PTBP3: variants seen among roughly 807,000 people sequenced by gnomAD.
PTBP3 encodes polypyrimidine tract-binding protein 3.
Under a neutral mutation model 58.7 loss-of-function variants are expected in PTBP3, and 20 were observed. That is an observed-to-expected ratio of 0.34 (90% CI 0.24 to 0.50). PTBP3 has a LOEUF of 0.50. Among genes scored for constraint, PTBP3 ranks in the 20% least tolerant of loss-of-function variants. The probability of loss-of-function intolerance (pLI) is 0.98; values close to 1 mark genes in which losing one functional copy is unlikely to be tolerated. For missense variants in PTBP3, 509 were observed against 637.2 expected (o/e 0.80, Z 2.17); for synonymous variants, 185 against 219.8 (o/e 0.84, Z 1.40).
chr9:112,377,026 G>C, the PTBP3 span, among the ~76,000 whole-genome samples: 55 of 152,304 alleles, frequency 3.6e-4, no homozygotes, highest in Admixed American at 1.4e-3. Context: ...CCTGGGGTAG[G>C]TAGGTATGCA....
intron 3 of PTBP3, among the ~76,000 whole-genome samples, chr9:112,270,144 G>A (rs911884323): frequency 2.6e-5 from 4 of 151,772 alleles, no homozygotes; most frequent in African/African-American, 7.3e-5. Flanking sequence ...ACAGGGAGTC[G>A]CCATGAAGGC....
chr9:112,275,642 T>C (rs899019523), intron 3 of PTBP3, among the ~76,000 whole-genome samples: 2 of 152,118 alleles, frequency 1.3e-5, no homozygotes, highest in Non-Finnish European at 2.9e-5. Context: ...CATAAGTCAA[T>C]GGATAAGAGA....
intron 8 of PTBP3, among the ~76,000 whole-genome samples, chr9:112,232,724 A>T (rs1835293340): frequency 1.3e-5 from 2 of 152,222 alleles, no homozygotes. Flanking sequence ...GACTGTATAA[A>T]ATGCTATATT....
chr9:112,326,397 A>ATC (rs1186218253), intron 1 of PTBP3, among the ~76,000 whole-genome samples: 2 of 152,246 alleles, frequency 1.3e-5, no homozygotes, highest in African/African-American at 4.8e-5. Flanking sequence ...GCTACGGACA[A>ATC]TATGAATGAG....
chr9:112,345,341 T>TAAA, the PTBP3 span, among the ~76,000 whole-genome samples: 36 of 63,688 alleles, frequency 5.7e-4, 1 homozygote, highest in Non-Finnish European at 6.9e-4. Flanking sequence ...CCCTCATCTC[T>TAAA]AAAAAAAAAA....
chr9:112,316,143 T>C (rs1157286458), intron 1 of PTBP3, among the ~76,000 whole-genome samples: 2 of 152,190 alleles, frequency 1.3e-5, no homozygotes, highest in African/African-American at 4.8e-5. Flanking sequence ...CCAGTTTCTC[T>C]TGTGGCATGG....
chr9:112,356,997 A>G, the PTBP3 span, among the ~76,000 whole-genome samples: 46 of 145,102 alleles, frequency 3.2e-4, no homozygotes, highest in Non-Finnish European at 6.3e-4. Context: ...CTCCTGCCTC[A>G]GTCTCCCGAG....
At chr9:112,344,877 T>C in the PTBP3 span, among the ~76,000 whole-genome samples, 1 of 152,144 alleles carries the variant, frequency 6.6e-6, no homozygotes, top group Non-Finnish European at 1.5e-5. Context: ...CTCACACCTG[T>C]AATTCCACAC....
the PTBP3 span, among the ~76,000 whole-genome samples, chr9:112,357,462 T>C: frequency 1.3e-5 from 2 of 152,044 alleles, no homozygotes; most frequent in Non-Finnish European, 2.9e-5. Context: ...GTTGATCCTC[T>C]TACCTCAGCC....
intron 7 of PTBP3, among the ~76,000 whole-genome samples, chr9:112,238,064 A>C (rs951313881): frequency 1.3e-5 from 2 of 152,176 alleles, no homozygotes; most frequent in African/African-American, 4.8e-5. Context: ...AAGGACAATC[A>C]TAATTAATTC....
chr9:112,376,495 G>A, the PTBP3 span, among the ~76,000 whole-genome samples: 4 of 151,680 alleles, frequency 2.6e-5, no homozygotes, highest in Admixed American at 6.6e-5. Flanking sequence ...CTTGTGATCC[G>A]CCTGCCTCGG....
chr9:112,374,435 T>C, the PTBP3 span, among the ~76,000 whole-genome samples: 32 of 152,344 alleles, frequency 2.1e-4, 1 homozygote, highest in South Asian at 6.4e-3. Context: ...CCTTGATTCC[T>C]GGACCCATGA....
Position 112,223,490 on chromosome 9 carries a change from A to G in PTBP3, c.*361T>C. 1.1e-6 allele frequency: 1 copy of G among 916,358 alleles called. No homozygotes were observed. The highest frequency in any genetic ancestry group is 1.3e-6 in the Non-Finnish European group (1 of 763,070). 56.8% of individuals were successfully genotyped at this position (916,358 alleles called of 1,614,324 possible). On this transcript the variant is annotated 3_prime_UTR_variant, in exon 14 of 14. Transcript: ENST00000374257. ...TGTGTTTAAATTTTTTAAAAGTACA[A>G]ATGAGTTTAGAAATGTTGTATAAGG... is the stretch of plus-strand genomic sequence containing the variant.
intron 1 of PTBP3, 72 bp downstream of exon 1, chr9:112,333,398 C>A: frequency 6.5e-7 from 1 of 1,529,448 alleles, no homozygotes. Flanking sequence ...AGCCCTTACG[C>A]GTCCCGCGGA....
the PTBP3 span, among the ~76,000 whole-genome samples, chr9:112,344,989 C>T: frequency 0.29 from 44,642 of 151,428 alleles, 7,227 homozygotes; most frequent in South Asian, 0.4. Context: ...CAAAATTAGC[C>T]GGGTGTGGTG....
chr9:112,312,504 A>ATTTTT (rs1564455716), intron 1 of PTBP3, among the ~76,000 whole-genome samples: 13 of 139,786 alleles, frequency 9.3e-5, no homozygotes, highest in African/African-American at 3.2e-4. Context: ...TTTTTTTAAA[A>ATTTTT]AAAAAAAAAA....
At chr9:112,342,729 A>AAAGAAGAAG in the PTBP3 span, among the ~76,000 whole-genome samples, 7,045 of 150,922 alleles carry the variant, frequency 0.047, 408 homozygotes, top group African/African-American at 0.14. Context: ...AAAGAAAAAC[A>AAAGAAGAAG]AAGAAGAAGA....
At chr9:112,355,260 AG>A in the PTBP3 span, among the ~76,000 whole-genome samples, 19 of 152,246 alleles carry the variant, frequency 1.2e-4, no homozygotes, top group Non-Finnish European at 2.4e-4. Context: ...ATGTTGAAGA[AG>A]GAAATTTGAA....
In PTBP3 at chr9:112,294,616, A is replaced by T. The variant is rs12006085; in HGVS notation, c.34+3216T>A. Among the ~76,000 whole-genome samples, 385 of 152,366 alleles carry T rather than the reference A, an allele frequency of 2.5e-3. 2 individuals are homozygous for T. The highest frequency in any genetic ancestry group is 8.8e-3 in the African/African-American group (367 of 41,588). ...TGCAATTAAGAACAAGACAAAGATA[A>T]TCACAAATTACCACTGTTATTCAAC... On this transcript the variant is annotated intron_variant, in intron 2 of 13. Coordinates refer to ENST00000374257, the MANE Select transcript of PTBP3 (RefSeq NM_001163788.4).
Sources: allele counts gnomAD v4.1 joint callset (sites outside exome capture counted in the v4.1 genomes callset), GRCh38; gene constraint gnomAD v4.1.1; transcripts MANE v1.5; gene names NCBI Gene and HGNC (gene_info 2026-07-23, HGNC 2026-07-21).